The following PTK2B variants were observed in gnomAD, a reference collection of about 807,000 sequenced individuals.
PTK2B encodes protein-tyrosine kinase 2-beta.
In PTK2B, 71 loss-of-function variants were observed where a neutral mutation model predicts 142.9. The ratio of observed to expected loss-of-function variants is 0.50; its 90% CI spans 0.41 to 0.61. The LOEUF is 0.61. Among genes scored for constraint, PTK2B ranks in the 20% least tolerant of loss-of-function variants. The probability of loss-of-function intolerance (pLI) is 0.00; values close to 1 mark genes in which losing one functional copy is unlikely to be tolerated. For missense variants in PTK2B, 1,105 were observed against 1,320.4 expected (o/e 0.84, Z 2.53); for synonymous variants, 519 against 503.4 (o/e 1.03, Z -0.42).
At chr8:27,370,154 T>C (rs1806263666) in intron 1 of PTK2B, among the ~76,000 whole-genome samples, 1 of 152,228 alleles carries the variant, frequency 6.6e-6, no homozygotes, top group South Asian at 2.1e-4. Context: ...GCTATATCAT[T>C]ATCAGAACAG....
At chr8:27,380,240 T>C (rs1806932599) in intron 1 of PTK2B, among the ~76,000 whole-genome samples, 1 of 152,212 alleles carries the variant, frequency 6.6e-6, no homozygotes, top group Non-Finnish European at 1.5e-5. Context: ...TTTGGATCCC[T>C]GAGACCTTTT....
chr8:27,434,829 A>G (rs1401384229), intron 13 of PTK2B, among the ~76,000 whole-genome samples: 1 of 152,064 alleles, frequency 6.6e-6, no homozygotes, highest in Non-Finnish European at 1.5e-5. Flanking sequence ...GTGACACCCC[A>G]TTTCTACTAA....
At chr8:27,386,748 G>C (rs959236686) in intron 1 of PTK2B, among the ~76,000 whole-genome samples, 1 of 152,192 alleles carries the variant, frequency 6.6e-6, no homozygotes, top group African/African-American at 2.4e-5. Context: ...AAGAGTGGCA[G>C]ACTAGGGGGT....
At chr8:27,449,823 T>C (rs1014209241) in intron 24 of PTK2B, among the ~76,000 whole-genome samples, 1 of 152,212 alleles carries the variant, frequency 6.6e-6, no homozygotes, top group Non-Finnish European at 1.5e-5. Flanking sequence ...GCAGCTAAAA[T>C]TATGAATAGG....
chr8:27,419,044 C>T (rs1438370058), intron 2 of PTK2B, among the ~76,000 whole-genome samples: 2 of 151,904 alleles, frequency 1.3e-5, no homozygotes, highest in African/African-American at 4.8e-5. Flanking sequence ...AAAAAAATGG[C>T]ACCAAAGTGA....
intron 18 of PTK2B, among the ~76,000 whole-genome samples, chr8:27,438,281 G>T (rs3779636): frequency 6.6e-6 from 1 of 151,884 alleles, no homozygotes; most frequent in Non-Finnish European, 1.5e-5. Flanking sequence ...GGGGTCCTAG[G>T]CCAGACATCA....
At chr8:27,393,653 A>G (rs1422480842) in intron 1 of PTK2B, among the ~76,000 whole-genome samples, 4 of 152,102 alleles carry the variant, frequency 2.6e-5, no homozygotes, top group Non-Finnish European at 5.9e-5. Context: ...GTGGTTTCTC[A>G]TTGCTACATT....
At chr8:27,343,616 CCA>C (rs1804541400) in intron 1 of PTK2B, among the ~76,000 whole-genome samples, 2 of 152,214 alleles carry the variant, frequency 1.3e-5, no homozygotes, top group Admixed American at 6.5e-5. Flanking sequence ...CAGCCCAATG[CCA>C]CAGAGGTGTG....
rs1355184213 is a variant in PTK2B, at chr8:27,436,326, A to G, written c.1319A>G (p.Tyr440Cys). 20 of 1,613,802 alleles carry G rather than the reference A, an allele frequency of 1.2e-5. No homozygotes were observed. The highest frequency in any genetic ancestry group is 1.5e-5 in the Non-Finnish European group (18 of 1,179,804). The change falls in exon 15 of 31, where the codon TAT (tyrosine) becomes TGT (cysteine). Residue 440 changes from tyrosine to cysteine, a missense_variant. Coordinates refer to ENST00000346049, the MANE Select transcript of PTK2B (RefSeq NM_173176.3). ...GGGGAAGGCTTTTTTGGGGAGGTCT[A>G]TGAAGGTGTCTACACAAATCACGTG... ...ILGEGFFGEV[Y>C]EGVYTNHKGE...
At chr8:27,342,673 C>T (rs771908175) in intron 1 of PTK2B, among the ~76,000 whole-genome samples, 2 of 152,140 alleles carry the variant, frequency 1.3e-5, no homozygotes, top group Non-Finnish European at 1.5e-5. Context: ...CCCAGCACCC[C>T]CAGTTCATCC....
chr8:27,357,967 C>T (rs1203522017), intron 1 of PTK2B, among the ~76,000 whole-genome samples: 1 of 152,128 alleles, frequency 6.6e-6, no homozygotes, highest in Non-Finnish European at 1.5e-5. Context: ...CTTTGAAGCT[C>T]GGTTTCTACT....
intron 1 of PTK2B, among the ~76,000 whole-genome samples, chr8:27,332,429 G>A (rs1027905796): frequency 7.2e-5 from 11 of 152,086 alleles, no homozygotes; most frequent in African/African-American, 2.7e-4. Context: ...TTTGACTCTC[G>A]ACTCTGTCAT....
intron 5 of PTK2B, among the ~76,000 whole-genome samples, chr8:27,423,651 T>C (rs1412631245): frequency 6.6e-6 from 1 of 151,874 alleles, no homozygotes; most frequent in Non-Finnish European, 1.5e-5. Context: ...TAATAGAGAG[T>C]AGAACTCTGC....
At chr8:27,372,800 C>A (rs1038620949) in intron 1 of PTK2B, among the ~76,000 whole-genome samples, 1 of 152,164 alleles carries the variant, frequency 6.6e-6, no homozygotes, top group African/African-American at 2.4e-5. Context: ...ACAGAGGATG[C>A]AAACTAGTGG....
intron 1 of PTK2B, among the ~76,000 whole-genome samples, chr8:27,383,261 C>G (rs988226271): frequency 6.6e-6 from 1 of 152,052 alleles, no homozygotes; most frequent in Non-Finnish European, 1.5e-5. Flanking sequence ...TCCCAACACA[C>G]GCCGAGATGG....
At chr8:27,436,511 T>TC (rs1425399317) in intron 15 of PTK2B, among the ~76,000 whole-genome samples, 163 bp downstream of exon 15, 1 of 152,088 alleles carries the variant, frequency 6.6e-6, no homozygotes, top group African/African-American at 2.4e-5. Context: ...TATTAAATAC[T>TC]CAAAGAGTGG....
At chr8:27,360,945 G>T (rs1472089677) in intron 1 of PTK2B, among the ~76,000 whole-genome samples, 1 of 152,178 alleles carries the variant, frequency 6.6e-6, no homozygotes, top group Admixed American at 6.5e-5. Context: ...TCCCAGGAAA[G>T]AAAGAAACAT....
At chr8:27,437,518 T>C (rs1261252604) in intron 17 of PTK2B, 22 bp downstream of exon 17, 1 of 1,563,728 alleles carries the variant, frequency 6.4e-7, no homozygotes, top group East Asian at 2.2e-5. Context: ...GACCCTGCGA[T>C]GACAACTGGG....
chr8:27,420,788 C>A, intron 4 of PTK2B, 44 bp downstream of exon 4: 1 of 1,513,578 alleles, frequency 6.6e-7, no homozygotes, highest in Non-Finnish European at 9.2e-7. Context: ...CCCATTACAC[C>A]TCAAATGCCA....
Sources: gnomAD v4.1 joint callset for allele counts (sites outside exome capture counted in the v4.1 genomes callset) on GRCh38, gnomAD v4.1.1 for gene constraint, MANE v1.5 for transcripts, NCBI Gene and HGNC (gene_info 2026-07-23, HGNC 2026-07-21) for gene names.